The following MTMR2 variants were observed in gnomAD, a reference collection of about 807,000 sequenced individuals.
MTMR2 encodes phosphatidylinositol-3,5-bisphosphate 3-phosphatase MTMR2.
In MTMR2, 55 loss-of-function variants were observed where a neutral mutation model predicts 86.9. The observed-to-expected ratio is 0.63, with a 90% CI of 0.51 to 0.79. The LOEUF is 0.79. Ranked by LOEUF, MTMR2 falls within the 30% of genes least tolerant of loss-of-function variation. The pLI is 0.00. For missense variants in MTMR2, 659 were observed against 772.3 expected (o/e 0.85, Z 1.74); for synonymous variants, 241 against 266.8 (o/e 0.90, Z 0.94).
chr11:95,886,502 A>C (rs1422341155), intron 2 of MTMR2, among the ~76,000 whole-genome samples: 1 of 152,172 alleles, frequency 6.6e-6, no homozygotes, highest in Non-Finnish European at 1.5e-5. Flanking sequence ...AGAAGTTGAC[A>C]GTGGAGAATC....
chr11:95,904,909 T>C (rs11021342), intron 1 of MTMR2, among the ~76,000 whole-genome samples: 21,744 of 152,066 alleles, frequency 0.14, 2,127 homozygotes, highest in African/African-American at 0.27. Flanking sequence ...TCTCATTCTT[T>C]CCTAAATCCA....
chr11:95,891,785 T>C (rs536758850), intron 1 of MTMR2, among the ~76,000 whole-genome samples: 28 of 152,080 alleles, frequency 1.8e-4, no homozygotes, highest in African/African-American at 6.3e-4. Flanking sequence ...GAATACATCA[T>C]AGTACTGTTC....
chr11:95,923,923 C>T lies in MTMR2; in HGVS notation c.32G>A (p.Gly11Asp), dbSNP rs748901232. Residue 11 changes from glycine to aspartate, a missense_variant, in exon 1 of 15, where the codon GGC becomes GAC. By Grantham distance (94) the Gly-to-Asp change is moderately conservative (BLOSUM62 -1). This residue lies in a region of MTMR2 where 79 missense variants were observed against 54.4 expected (regional missense o/e 1.45). Coordinates refer to ENST00000346299, the MANE Select transcript of MTMR2 (RefSeq NM_016156.6). Reference sequence around the variant, plus strand: ...CGGCCGAGCCGCCGCCGGCTGGGAGCCAAGACTCTCGCAGCTCGAGCTCTT... The same window carrying T: ...CGGCCGAGCCGCCGCCGGCTGGGAGTCAAGACTCTCGCAGCTCGAGCTCTT... MEKSSSCESL[G>D]SQPAAARPPS... The T allele has an allele frequency of 3.8e-6, 6 of 1,561,364 alleles. No homozygotes were observed. The South Asian group carries it at 5.9e-5, about 15-fold the overall frequency.
At chr11:95,898,740 T>A (rs1047412947) in intron 1 of MTMR2, among the ~76,000 whole-genome samples, 2 of 152,172 alleles carry the variant, frequency 1.3e-5, no homozygotes, top group East Asian at 1.9e-4. Flanking sequence ...CTAACAATGC[T>A]GTATATGAAA....
intron 2 of MTMR2, among the ~76,000 whole-genome samples, chr11:95,875,671 C>T (rs1865081835): frequency 6.6e-6 from 1 of 152,174 alleles, no homozygotes; most frequent in African/African-American, 2.4e-5. Context: ...AGGAGAGGTG[C>T]TCTTCTGACT....
intron 1 of MTMR2, among the ~76,000 whole-genome samples, chr11:95,889,518 G>C (rs368202152): frequency 1.5e-5 from 2 of 134,228 alleles, no homozygotes; most frequent in South Asian, 5.7e-4. Context: ...TCTTTTTTGG[G>C]GGGGGAGGGG....
At position 95,907,896 on chromosome 11, in the gene MTMR2, T is replaced by C. The variant is rs118064807; in HGVS notation, c.80+15979A>G. 186 of 440,008 alleles carry C rather than the reference T, an allele frequency of 4.2e-4. No individual in the cohort carries two copies. The East Asian group carries it at 0.012, about 28-fold the overall frequency. 27.3% of individuals were successfully genotyped at this position (440,008 alleles called of 1,614,324 possible). A position where few individuals can be genotyped will look rare whatever the true frequency, so the allele number is the denominator to read the frequency against. ...GTGAGAGCTACAGCCAACATCACAC[T>C]GAATGGGTAAAAGCTGGAAGTATTC... On this transcript the variant is annotated intron_variant, in intron 1 of 14. Coordinates refer to ENST00000346299, the MANE Select transcript of MTMR2 (RefSeq NM_016156.6).
chr11:95,916,637 A>T (rs943492536), intron 1 of MTMR2, among the ~76,000 whole-genome samples: 2 of 150,684 alleles, frequency 1.3e-5, no homozygotes, highest in African/African-American at 2.5e-5. Flanking sequence ...ATGTGCTGCT[A>T]AACCTAAAGT....
Position 95,873,350 on chromosome 11 carries a change from C to T in MTMR2, c.187-7674G>A, listed in dbSNP as rs1340807011. 3.3e-5 allele frequency among the ~76,000 whole-genome samples: 5 copies of T among 152,218 alleles called. No homozygotes were observed. The South Asian group carries it at 6.2e-4, about 19-fold the overall frequency. On this transcript the variant is annotated intron_variant, in intron 2 of 14. Transcript: ENST00000346299. ...TTTAGCCTTGGGAGAGTGTATGTGT[C>T]GAGGAATTTATCCATTTCTTCTAGA... is the stretch of plus-strand genomic sequence containing the variant.
At chr11:95,873,718 T>G (rs1864986124) in intron 2 of MTMR2, among the ~76,000 whole-genome samples, 1 of 152,102 alleles carries the variant, frequency 6.6e-6, no homozygotes, top group South Asian at 2.1e-4. Flanking sequence ...TTCCACTTTC[T>G]CTTGTGGGCA....
In MTMR2 at chr11:95,862,176, A is replaced by G. The variant is rs1483305028; in HGVS notation, c.358-74T>C. The G allele has an allele frequency of 2.0e-6, 3 of 1,524,416 alleles. No homozygotes were observed. The East Asian group carries it at 6.8e-5, about 35-fold the overall frequency. The allele number at this position is 1,524,416 out of a possible 1,614,324, so 94.4% of individuals were successfully genotyped here. A position where few individuals can be genotyped will look rare whatever the true frequency, so the allele number is the denominator to read the frequency against. ...CAATTATAGAGCTGATCAAAATCTT[A>G]ATCAGAAATGCTTTAATTAGAAATG... is the stretch of plus-strand genomic sequence containing the variant. On this transcript the variant is annotated intron_variant, in intron 4 of 14. Transcript: ENST00000346299.
intron 12 of MTMR2, 51 bp from the exon 13 acceptor site, chr11:95,838,258 T>C: frequency 1.0e-6 from 1 of 982,474 alleles, no homozygotes; most frequent in Non-Finnish European, 1.6e-6. Flanking sequence ...TTCAAGCATA[T>C]TCATCCCTGT....
chr11:95,914,546 CTT>C (rs889696031), intron 1 of MTMR2, among the ~76,000 whole-genome samples: 12 of 152,222 alleles, frequency 7.9e-5, no homozygotes, highest in African/African-American at 2.9e-4. Flanking sequence ...ATACTATCCT[CTT>C]AATCTCAGGC....
At chr11:95,900,133 A>G (rs996653633) in intron 1 of MTMR2, among the ~76,000 whole-genome samples, 1 of 152,148 alleles carries the variant, frequency 6.6e-6, no homozygotes, top group Non-Finnish European at 1.5e-5. Context: ...AAGAGCGAGC[A>G]GGTTTGGCTA....
In MTMR2 at chr11:95,845,021, G is replaced by A. The variant is rs751677491; in HGVS notation, c.1318C>T (p.Arg440Ter). The A allele has an allele frequency of 3.1e-6, 5 of 1,613,816 alleles. No individual in the cohort carries two copies. The highest frequency in any genetic ancestry group is 1.3e-5 in the African/African-American group (1 of 74,998). Reference protein sequence around the residue: ...LAMLMLDGYYRTIRGFEVLVE... With the variant: ...LAMLMLDGYY The stretch of plus-strand genomic sequence containing the variant: ...AGGACTTCAAATCCTCGGATGGTTC[G>A]ATAGTATCCATCCAACATGAGCATG... Residue 440 changes from arginine (R) to a stop codon, truncating the protein, a stop_gained, in exon 11 of 15, where the codon CGA (arginine) becomes TGA (stop). Coordinates refer to ENST00000346299, the MANE Select transcript of MTMR2 (RefSeq NM_016156.6). LOFTEE classifies it high-confidence loss of function.
chr11:95,885,876 G>T (rs1395286474), intron 2 of MTMR2, among the ~76,000 whole-genome samples: 2 of 152,102 alleles, frequency 1.3e-5, no homozygotes, highest in African/African-American at 4.8e-5. Context: ...AAGTCATGTT[G>T]ATAGTAAGTA....
intron 10 of MTMR2, among the ~76,000 whole-genome samples, chr11:95,845,610 A>C (rs1460676819): frequency 6.6e-6 from 1 of 152,152 alleles, no homozygotes; most frequent in African/African-American, 2.4e-5. Context: ...AAAATACTCT[A>C]TAGCAGTTAT....
intron 1 of MTMR2, among the ~76,000 whole-genome samples, chr11:95,894,323 A>G (rs961394301): frequency 1.3e-5 from 2 of 152,148 alleles, no homozygotes; most frequent in Non-Finnish European, 2.9e-5. Context: ...ATTATTTACT[A>G]TTTCAAGATT....
In MTMR2 at chr11:95,849,871, G is replaced by C. The variant is rs767328220; in HGVS notation, c.805-9C>G. The stretch of plus-strand genomic sequence containing the variant: ...TGAATCCATGATAAAACCTTAATGA[G>C]GAAAAAATGGTAACACACCTTTTAC... On this transcript the variant is annotated splice_polypyrimidine_tract_variant and intron_variant, in intron 8 of 14. Coordinates refer to ENST00000346299, the MANE Select transcript of MTMR2 (RefSeq NM_016156.6). 1.2e-6 allele frequency: 2 copies of C among 1,611,622 alleles called. No homozygotes were observed. Among genetic ancestry groups the C allele is most frequent in the African/African-American group, 1.3e-5 (1 of 74,778 alleles).
Sources: gnomAD v4.1 joint callset for allele counts (sites outside exome capture counted in the v4.1 genomes callset) on GRCh38, gnomAD v4.1.1 for gene constraint, gnomAD v4.1.1 regional missense constraint, MANE v1.5 for transcripts, NCBI Gene and HGNC (gene_info 2026-07-23, HGNC 2026-07-21) for gene names.